Variants in MALRD1 observed in about 807,000 individuals in gnomAD.
MALRD1 encodes MAM and LDL receptor class A domain containing 1.
MALRD1 carries 247 observed loss-of-function variants against 242.1 expected under a neutral mutation model. The observed-to-expected ratio is 1.02, with a 90% CI of 0.92 to 1.13. The LOEUF (loss-of-function observed/expected upper bound fraction) is 1.13. MALRD1 is among the 50% of genes most tolerant of loss of function. The probability of loss-of-function intolerance (pLI) is 0.00; values close to 1 mark genes in which losing one functional copy is unlikely to be tolerated. For synonymous variants in MALRD1, 995 were observed against 866.6 expected (o/e 1.15, Z -2.60); for missense variants, 2,989 against 2,533.1 (o/e 1.18, Z -3.86).
intron 18 of MALRD1, among the ~76,000 whole-genome samples, chr10:19,222,293 A>C (rs1837592074): frequency 6.6e-6 from 1 of 152,154 alleles, no homozygotes; most frequent in African/African-American, 2.4e-5. Context: ...GAATTGAATG[A>C]GAAACATAGA....
At chr10:19,175,431 T>A in intron 14 of MALRD1, 103 bp downstream of exon 14, 1 of 763,616 alleles carries the variant, frequency 1.3e-6, no homozygotes, top group Non-Finnish European at 1.7e-6. Context: ...TAATACAGGG[T>A]GTGGATTATA....
At chr10:19,403,194 T>G (rs1455163244) in intron 28 of MALRD1, among the ~76,000 whole-genome samples, 2 of 152,182 alleles carry the variant, frequency 1.3e-5, no homozygotes, top group Non-Finnish European at 2.9e-5. Context: ...GTAGTCCTGA[T>G]TTAAAACCCT....
At chr10:19,726,905 A>G (rs1835050723) in intron 38 of MALRD1, among the ~76,000 whole-genome samples, 1 of 152,218 alleles carries the variant, frequency 6.6e-6, no homozygotes, top group Non-Finnish European at 1.5e-5. Context: ...TCATAAAGAC[A>G]GAAGGTAAAT....
At chr10:19,067,248 C>T (rs542157113) in intron 2 of MALRD1, among the ~76,000 whole-genome samples, 1 of 152,210 alleles carries the variant, frequency 6.6e-6, no homozygotes, top group East Asian at 1.9e-4. Context: ...CTGATTTCAG[C>T]TCTGTCTGGT....
intron 1 of MALRD1, among the ~76,000 whole-genome samples, chr10:19,058,519 G>C (rs148180750): frequency 3.9e-5 from 6 of 152,200 alleles, no homozygotes; most frequent in African/African-American, 1.2e-4. Context: ...GAAGACCTTT[G>C]TAAGTGTTAA....
intron 24 of MALRD1, among the ~76,000 whole-genome samples, chr10:19,342,885 G>C (rs138742056): frequency 2.6e-4 from 39 of 152,118 alleles, no homozygotes; most frequent in African/African-American, 9.4e-4. Context: ...ATATTTTCCA[G>C]ATTATAAAAT....
intron 28 of MALRD1, among the ~76,000 whole-genome samples, chr10:19,420,678 C>G (rs1833688825): frequency 6.6e-6 from 1 of 152,064 alleles, no homozygotes; most frequent in African/African-American, 2.4e-5. Flanking sequence ...TGCACATACC[C>G]TCTGCCTGGA....
At chr10:19,654,504 G>T (rs1841049832) in intron 36 of MALRD1, among the ~76,000 whole-genome samples, 1 of 152,128 alleles carries the variant, frequency 6.6e-6, no homozygotes, top group African/African-American at 2.4e-5. Context: ...AATCCAAAAG[G>T]AGAGTCATAT....
rs544886682 is a variant in MALRD1 at position 19,150,173 on chromosome 10, A to G, written c.1558+3829A>G. ...TTTGCATACGTGTTTTTGTCTGGAC[A>G]TAAGTGTTTATTTGGTTTGAGTTCT... On this transcript the variant is annotated intron_variant, in intron 11 of 39. Coordinates refer to ENST00000454679, the MANE Select transcript of MALRD1 (RefSeq NM_001142308.3). Among the ~76,000 whole-genome samples the G allele has an allele frequency of 7.9e-5, 12 of 152,316 alleles. No individual in the cohort carries two copies. The East Asian group carries it at 1.2e-3, about 15-fold the overall frequency.
intron 29 of MALRD1, among the ~76,000 whole-genome samples, chr10:19,484,687 G>C (rs1028806961): frequency 6.6e-6 from 1 of 152,130 alleles, no homozygotes; most frequent in Non-Finnish European, 1.5e-5. Flanking sequence ...TGTTGGCACA[G>C]ATATTGTTAA....
intron 1 of MALRD1, among the ~76,000 whole-genome samples, chr10:19,056,452 T>C (rs7918268): frequency 0.026 from 3,994 of 152,202 alleles, 169 homozygotes; most frequent in African/African-American, 0.09. Context: ...TGTGTTGCTA[T>C]TGTAAATGGG....
At chr10:19,331,262 C>A (rs1349314737) in intron 23 of MALRD1, 107 bp from the exon 24 acceptor site, 6 of 996,296 alleles carry the variant, frequency 6.0e-6, no homozygotes, top group Non-Finnish European at 4.4e-6. Flanking sequence ...AACAAAAAAA[C>A]AAACAACAAA....
intron 24 of MALRD1, 56 bp from the exon 25 acceptor site, chr10:19,347,714 GT>G: frequency 6.5e-7 from 1 of 1,532,820 alleles, no homozygotes; most frequent in African/African-American, 1.4e-5. Flanking sequence ...TGAATTGCAT[GT>G]TTTAAAGTAG....
intron 2 of MALRD1, among the ~76,000 whole-genome samples, chr10:19,083,080 C>G (rs1187913144): frequency 6.6e-6 from 1 of 151,990 alleles, no homozygotes; most frequent in Non-Finnish European, 1.5e-5. Context: ...CATGAGGACT[C>G]TACCTTCAGA....
chr10:19,589,021 A>C (rs972708536), intron 33 of MALRD1, among the ~76,000 whole-genome samples: 2 of 152,196 alleles, frequency 1.3e-5, no homozygotes, highest in Non-Finnish European at 2.9e-5. Context: ...TTACTTGCAC[A>C]ATAAAGACAA....
rs182658937 is a variant in MALRD1, at chr10:19,242,726, A to G, written c.2992-14958A>G. 5.9e-5 allele frequency among the ~76,000 whole-genome samples: 9 copies of G among 152,168 alleles called. No homozygotes were observed. The East Asian group carries it at 1.2e-3, about 20-fold the overall frequency. On this transcript the variant is annotated intron_variant, in intron 18 of 39. Transcript: ENST00000454679. ...GTTTTTTTATTTAAAGCCTTTTAAA[A>G]TATGACATGACTGTGGCTACTCCTG...
chr10:19,391,702 C>T (rs776790577), intron 28 of MALRD1, among the ~76,000 whole-genome samples: 30 of 152,114 alleles, frequency 2.0e-4, no homozygotes, highest in Non-Finnish European at 4.1e-4. Flanking sequence ...GCCTAGCCTC[C>T]CACAATGATT....
intron 28 of MALRD1, among the ~76,000 whole-genome samples, chr10:19,426,420 T>C (rs938103750): frequency 3.3e-5 from 5 of 152,190 alleles, no homozygotes; most frequent in African/African-American, 9.7e-5. Flanking sequence ...CATGAATTTT[T>C]TTCCCATTCA....
At chr10:19,629,466 A>G (rs1450592325) in intron 36 of MALRD1, among the ~76,000 whole-genome samples, 4 of 152,152 alleles carry the variant, frequency 2.6e-5, no homozygotes, top group Non-Finnish European at 5.9e-5. Context: ...AGCTGTCTAG[A>G]GTGTAAGAAT....
Sources: gnomAD v4.1 joint callset for allele counts (sites outside exome capture counted in the v4.1 genomes callset) on GRCh38, gnomAD v4.1.1 for gene constraint, MANE v1.5 for transcripts, NCBI Gene and HGNC (gene_info 2026-07-23, HGNC 2026-07-21) for gene names.